GLB1L3: variants seen among roughly 807,000 people sequenced by gnomAD.
GLB1L3 encodes the protein galactosidase beta 1 like 3.
In GLB1L3, 89 loss-of-function variants were observed where a neutral mutation model predicts 89.5. The ratio of observed to expected loss-of-function variants is 0.99; its 90% CI spans 0.84 to 1.19. The LOEUF is 1.19. Among genes scored for constraint, GLB1L3 ranks in the 50% most tolerant of loss-of-function variants. GLB1L3 has a pLI of 0.00. For synonymous variants in GLB1L3, 314 were observed against 312.3 expected, an observed-to-expected ratio of 1.01 and a Z score of -0.06; for missense variants, 812 against 813.3, an observed-to-expected ratio of 1.00 and a Z score of 0.02.
Position 134,309,672 on chromosome 11 carries a change from CA to C in GLB1L3, c.1010del (p.Asn337MetfsTer14). 1 of 1,611,864 alleles carries C rather than the reference CA, an allele frequency of 6.2e-7. No homozygotes were observed. Among genetic ancestry groups the C allele is most frequent in the African/African-American group, 1.3e-5 (1 of 74,990 alleles). On this transcript the variant is annotated frameshift_variant, in exon 11 of 20. Coordinates refer to ENST00000431683, the MANE Select transcript of GLB1L3 (RefSeq NM_001080407.3). LOFTEE classifies it high-confidence loss of function. ...SEFIKYEISF[N>X]VYMFHGGTNF... ...AATTCATCAAATATGAGATCTCCTT[CA>C]ATGTATATATGTTCCATGGTGGAAC...
intron 10 of GLB1L3, among the ~76,000 whole-genome samples, chr11:134,309,059 A>G (rs1244398171): frequency 6.6e-6 from 1 of 152,136 alleles, no homozygotes; most frequent in Non-Finnish European, 1.5e-5. Context: ...GTTCCCAGAA[A>G]CATTTCACTG....
intron 5 of GLB1L3, 138 bp downstream of exon 5, chr11:134,282,258 C>T (rs980608547): frequency 4.2e-5 from 46 of 1,093,166 alleles, no homozygotes; most frequent in South Asian, 1.9e-4. Flanking sequence ...CGCCACGCAC[C>T]GTGCCTGTGT....
chr11:134,305,405 CT>C (rs1942155178), intron 9 of GLB1L3: 2 of 403,946 alleles, frequency 5.0e-6, no homozygotes, highest in South Asian at 6.1e-5. Context: ...TTTTGAACCC[CT>C]GATAGACCTT....
At position 134,312,333 on chromosome 11, in the gene GLB1L3, C is replaced by A. The variant is rs1942771600; in HGVS notation, c.1288-16C>A. 1.9e-6 allele frequency: 3 copies of A among 1,612,430 alleles called. No individual in the cohort carries two copies. Among genetic ancestry groups the A allele is most frequent in the Middle Eastern group, 1.7e-4 (1 of 6,058 alleles). On this transcript the variant is annotated splice_polypyrimidine_tract_variant and intron_variant, in intron 13 of 19. Coordinates refer to ENST00000431683, the MANE Select transcript of GLB1L3 (RefSeq NM_001080407.3). ...CTCAGCCCTTGGACTTCTGCTCTTG[C>A]CATTTCTCCTCATAGCCAGTCAGGT...
intron 5 of GLB1L3, among the ~76,000 whole-genome samples, chr11:134,282,976 T>C (rs1454890141): frequency 6.6e-6 from 1 of 152,208 alleles, no homozygotes; most frequent in Non-Finnish European, 1.5e-5. Context: ...TGGAGTATCA[T>C]TGGCACGTAG....
chr11:134,290,578 C>A lies in GLB1L3; in HGVS notation c.730-1554C>A, dbSNP rs569743085. 5.1e-5 allele frequency among the ~76,000 whole-genome samples: 5 copies of A among 98,284 alleles called. 1 individual carries two copies. Among genetic ancestry groups the A allele is most frequent in the East Asian group, 4.5e-4 (2 of 4,420 alleles). The allele number at this position is 98,284 out of a possible 152,430, so 64.5% of individuals were successfully genotyped here. A position where few individuals can be genotyped will look rare whatever the true frequency, so the allele number is the denominator to read the frequency against. ...ACAGAGTGAGACTCGTCCCCCCCCG[C>A]CAAAAAAAAAGAAAAGAAAAAAAAA... On this transcript the variant is annotated intron_variant, in intron 7 of 19. Transcript: ENST00000431683.
chr11:134,324,500 A>G (rs911684806), downstream of GLB1L3, among the ~76,000 whole-genome samples: 1 of 152,326 alleles, frequency 6.6e-6, no homozygotes, highest in African/African-American at 2.4e-5. Flanking sequence ...ATTATCTTTT[A>G]AAAGTGTTAT....
chr11:134,297,859 C>CAAAAAAAA (rs34354899), intron 9 of GLB1L3, among the ~76,000 whole-genome samples: 1 of 100,982 alleles, frequency 9.9e-6, no homozygotes, highest in African/African-American at 3.6e-5. Context: ...GACTCTGTCT[C>CAAAAAAAA]AAAAAAAAAA....
rs1198237493 is a variant in GLB1L3, at chr11:134,319,043, C to T, written c.*101C>T. 12 of 824,410 alleles carry T rather than the reference C, an allele frequency of 1.5e-5. No individual in the cohort carries two copies. The highest frequency in any genetic ancestry group is 2.2e-5 in the Non-Finnish European group (11 of 499,276). The allele number at this position is 824,410 out of a possible 1,614,324, so 51.1% of individuals were successfully genotyped here. ...AATCTCTGCTCACTGCAAGCTCAGCCTCTCGGGTTCACGCCATTCTCCTGC... is the reference window on the plus strand; with the variant it reads ...AATCTCTGCTCACTGCAAGCTCAGCTTCTCGGGTTCACGCCATTCTCCTGC... On this transcript the variant is annotated 3_prime_UTR_variant, in exon 20 of 20. Coordinates refer to ENST00000431683, the MANE Select transcript of GLB1L3 (RefSeq NM_001080407.3).
chr11:134,294,561 C>A (rs1941532636), intron 9 of GLB1L3, among the ~76,000 whole-genome samples: 1 of 152,206 alleles, frequency 6.6e-6, no homozygotes, highest in Admixed American at 6.5e-5. Flanking sequence ...CACCCATTGT[C>A]ATCATACAAT....
Position 134,288,830 on chromosome 11 carries a change from A to G in GLB1L3, c.669A>G (p.Gln223=). The G allele has an allele frequency of 1.2e-6, 2 of 1,613,490 alleles. No homozygotes were observed. Among genetic ancestry groups the G allele is most frequent in the Non-Finnish European group, 1.7e-6 (2 of 1,179,668 alleles). ...YRQAGPVIAV[Q]VENEYGSFNK... ...AGGCAGGCCCTGTCATCGCGGTGCAAGTGGAGAATGAGTATGGCTCATTCA... is the reference window on the plus strand; with the variant it reads ...AGGCAGGCCCTGTCATCGCGGTGCAGGTGGAGAATGAGTATGGCTCATTCA... Residue 223 remains glutamine (Q), a synonymous_variant, in exon 7 of 20, where the codon CAA becomes CAG. Transcript: ENST00000431683.
rs1940383772 is a variant in GLB1L3 at position 134,276,677 on chromosome 11, G to A, written c.-64G>A. 12 of 1,351,592 alleles carry A rather than the reference G, an allele frequency of 8.9e-6. No homozygotes were observed. Among genetic ancestry groups the A allele is most frequent in the Admixed American group, 6.6e-5 (2 of 30,110 alleles). 83.7% of individuals were successfully genotyped at this position (1,351,592 alleles called of 1,614,324 possible). On this transcript the variant is annotated 5_prime_UTR_variant, in exon 1 of 20. Transcript: ENST00000431683. ...GGGCTCGAGTCCCGGCCCGAGCGCG[G>A]CGTCGGGGCCAGCGGAGAGGGGCGG... is the stretch of plus-strand genomic sequence containing the variant.
At chr11:134,292,292 A>T (rs1941401189) in intron 8 of GLB1L3, 79 bp downstream of exon 8, 1 of 988,042 alleles carries the variant, frequency 1.0e-6, no homozygotes, top group Non-Finnish European at 1.6e-6. Flanking sequence ...TGCAGAGAAA[A>T]CCAAGTGCAT....
At position 134,305,183 on chromosome 11, in the gene GLB1L3, C is replaced by G. The variant is rs756754256; in HGVS notation, c.877-1941C>G. 5.9e-5 allele frequency: 68 copies of G among 1,160,788 alleles called. 1 individual carries two copies. The South Asian group carries it at 8.8e-4, about 15-fold the overall frequency. 71.9% of individuals were successfully genotyped at this position (1,160,788 alleles called of 1,614,324 possible). Reference sequence around the variant, plus strand: ...CAGCAACTTCTTCCTCCTTATAGTTCTTATCTGTGATTCTTCCATAATTTT... The same window carrying G: ...CAGCAACTTCTTCCTCCTTATAGTTGTTATCTGTGATTCTTCCATAATTTT... On this transcript the variant is annotated intron_variant, in intron 9 of 19. Coordinates refer to ENST00000431683, the MANE Select transcript of GLB1L3 (RefSeq NM_001080407.3).
chr11:134,312,605 G>T, intron 14 of GLB1L3, 116 bp downstream of exon 14: 1 of 1,308,710 alleles, frequency 7.6e-7, no homozygotes, highest in Non-Finnish European at 1.0e-6. Context: ...TATATGGGAG[G>T]CATTGGGACT....
At chr11:134,308,208 C>CCACCACCACCACCACCATCACCACCAT (rs1565412314) in intron 10 of GLB1L3, among the ~76,000 whole-genome samples, 6 of 27,268 alleles carry the variant, frequency 2.2e-4, no homozygotes, top group African/African-American at 1.0e-3. Flanking sequence ...ACCACTACCA[C>CCACCACCACCACCACCATCACCACCAT]CACCACCATC....
chr11:134,308,446 TCACCACCAC>T (rs1164537686), intron 10 of GLB1L3, among the ~76,000 whole-genome samples: 3 of 16,868 alleles, frequency 1.8e-4, no homozygotes, highest in African/African-American at 3.8e-4. Flanking sequence ...ACCACCACCA[TCACCACCAC>T]CACCACCACC....
chr11:134,317,023 G>C (rs1943013827), intron 18 of GLB1L3: 1 of 152,314 alleles, frequency 6.6e-6, no homozygotes, highest in South Asian at 2.1e-4. Context: ...CCTGGAGGCA[G>C]TGTCCAGAAA....
Position 134,313,483 on chromosome 11 carries a change from T to C in GLB1L3, c.1579+9T>C, listed in dbSNP as rs375739950. 4.2e-5 allele frequency: 64 copies of C among 1,522,194 alleles called. No individual in the cohort carries two copies. Among genetic ancestry groups the C allele is most frequent in the Non-Finnish European group, 5.0e-5 (56 of 1,128,304 alleles). 94.3% of individuals were successfully genotyped at this position (1,522,194 alleles called of 1,614,324 possible). A position where few individuals can be genotyped will look rare whatever the true frequency, so the allele number is the denominator to read the frequency against. On this transcript the variant is annotated intron_variant, in intron 16 of 19. Transcript: ENST00000431683. ...ACAGAATGAGCAGAAAGGTGGGCTC[T>C]GGCTGTGGCTTCTCCTCAGTTGCTC...
Sources: gnomAD v4.1 joint callset for allele counts (sites outside exome capture counted in the v4.1 genomes callset) on GRCh38, gnomAD v4.1.1 for gene constraint, MANE v1.5 for transcripts, NCBI Gene and HGNC (gene_info 2026-07-23, HGNC 2026-07-21) for gene names.